VWF: variants seen among roughly 807,000 people sequenced by gnomAD.
The protein encoded by VWF is von Willebrand factor.
In VWF, 176 loss-of-function variants were observed where a neutral mutation model predicts 308.6. That is an observed-to-expected ratio of 0.57 (90% CI 0.50 to 0.65). The LOEUF (loss-of-function observed/expected upper bound fraction) is 0.65. Among genes scored for constraint, VWF ranks in the 30% least tolerant of loss-of-function variants. The pLI is 0.00. For missense variants in VWF, 3,146 were observed against 3,648.2 expected, an observed-to-expected ratio of 0.86 and a Z score of 3.55; for synonymous variants, 1,385 against 1,443.4, an observed-to-expected ratio of 0.96 and a Z score of 0.92.
intron 42 of VWF, among the ~76,000 whole-genome samples, chr12:5,978,507 G>A (rs370344382): frequency 1.6e-4 from 25 of 152,140 alleles, no homozygotes; most frequent in Admixed American, 1.2e-3. Flanking sequence ...CAGGTAACCC[G>A]CCCACCTTGG....
intron 37 of VWF, among the ~76,000 whole-genome samples, chr12:5,993,367 C>T (rs17491320): frequency 6.6e-6 from 1 of 152,008 alleles, no homozygotes; most frequent in African/African-American, 2.4e-5. Context: ...GTGTTTATAA[C>T]TGAGAAGACT....
In VWF at chr12:5,952,427, G is replaced by A. The variant is rs41276732; in HGVS notation, c.8079C>T (p.Cys2693=). The change falls in exon 49 of 52, where the codon TGC becomes TGT. Residue 2693 remains cysteine (C), a synonymous_variant. Coordinates refer to ENST00000261405, the MANE Select transcript of VWF (RefSeq NM_000552.5). ...GACACTTGTGTTCATCAAAGGGTGG[G>A]CAGCCTGTGACCCTCTTCTCCCAGA... ...EYFWEKRVTG[C]PPFDEHKCLA... The A allele has an allele frequency of 2.1e-3, 3,417 of 1,614,098 alleles. 7 individuals are homozygous for A. Among genetic ancestry groups the A allele is most frequent in the Non-Finnish European group, 2.8e-3 (3,295 of 1,179,962 alleles).
intron 5 of VWF, 21 bp downstream of exon 5, chr12:6,110,353 T>G (rs1301370909): frequency 6.2e-7 from 1 of 1,612,152 alleles, no homozygotes. Flanking sequence ...TTTAGGGAAA[T>G]GGTATCCCAG....
At chr12:6,069,159 G>A (rs1201692754) in intron 10 of VWF, among the ~76,000 whole-genome samples, 1 of 152,088 alleles carries the variant, frequency 6.6e-6, no homozygotes, top group Non-Finnish European at 1.5e-5. Flanking sequence ...CCTGGCATAA[G>A]ATACATTTCC....
At position 5,969,289 on chromosome 12, in the gene VWF, G is replaced by A. The variant is rs776340794; in HGVS notation, c.7651C>T (p.Gln2551Ter). Residue 2551 changes from glutamine to a stop codon, truncating the protein, a stop_gained, in exon 45 of 52, where the codon CAG (glutamine) becomes TAG (stop). Transcript: ENST00000261405. LOFTEE classifies it high-confidence loss of function. ...FIQQRNVSCP[Q>*]LEVPVCPSGF... ...GAGGGGCAGACAGGGACCTCCAGCTGGGGGCAGGAGACGTTCCTTTGTTGT... is the reference window on the plus strand; with the variant it reads ...GAGGGGCAGACAGGGACCTCCAGCTAGGGGCAGGAGACGTTCCTTTGTTGT... 6.2e-7 allele frequency: 1 copy of A among 1,614,156 alleles called. No individual in the cohort carries two copies. The highest frequency in any genetic ancestry group is 8.5e-7 in the Non-Finnish European group (1 of 1,180,010).
At position 5,996,120 on chromosome 12, in the gene VWF, T is replaced by C. The variant is rs770537385; in HGVS notation, c.5945A>G (p.Gln1982Arg). Reference protein sequence around the residue: ...CSYVLFQNKEQDLEVILHNGA... With the variant: ...CSYVLFQNKERDLEVILHNGA... ...ATTATGGAGAATCACCTCCAGGTCC[T>C]GCTCCTTGTTTTGAAATAGGACATA... Residue 1982 changes from glutamine to arginine, a missense_variant, in exon 35 of 52, where the codon CAG becomes CGG. This residue lies in a region of VWF where 989 missense variants were observed against 1,117.4 expected (regional missense o/e 0.89). Transcript: ENST00000261405. The C allele has an allele frequency of 5.0e-6, 8 of 1,614,168 alleles. No homozygotes were observed. Among genetic ancestry groups the C allele is most frequent in the Non-Finnish European group, 6.8e-6 (8 of 1,180,044 alleles).
chr12:6,026,602 T>C (rs866073865), intron 22 of VWF, among the ~76,000 whole-genome samples: 2 of 152,112 alleles, frequency 1.3e-5, no homozygotes, highest in Non-Finnish European at 1.5e-5. Flanking sequence ...CATCATGGAG[T>C]GCAACATGCA....
At chr12:6,089,598 C>T (rs1018154314) in intron 6 of VWF, among the ~76,000 whole-genome samples, 3 of 152,166 alleles carry the variant, frequency 2.0e-5, no homozygotes, top group African/African-American at 7.2e-5. Context: ...CCCTCCTCAA[C>T]CCGACCTCAG....
chr12:6,068,561 C>T (rs1055498364), intron 10 of VWF, among the ~76,000 whole-genome samples: 7 of 152,088 alleles, frequency 4.6e-5, no homozygotes, highest in Non-Finnish European at 5.9e-5. Context: ...ACTCTATCTC[C>T]GGGGCTCTCA....
chr12:6,076,739 G>A lies in VWF; in HGVS notation c.658-1188C>T, dbSNP rs1270504413. ...GAGGAAAGAAACGACCCGTTTTGAG[G>A]AGAGGGAAATTCAATCAGCTTGAAT... On this transcript the variant is annotated intron_variant, in intron 6 of 51. Transcript: ENST00000261405. 4.6e-5 allele frequency among the ~76,000 whole-genome samples: 7 copies of A among 152,218 alleles called. No homozygotes were observed. In the East Asian group the frequency reaches 1.3e-3, roughly 29 times the overall value.
chr12:6,075,865 GC>G lies in VWF; in HGVS notation c.658-315del, dbSNP rs879898959. On this transcript the variant is annotated intron_variant, in intron 6 of 51. Coordinates refer to ENST00000261405, the MANE Select transcript of VWF (RefSeq NM_000552.5). The surrounding 1 kb of genome is among the most constrained non-coding windows in gnomAD (Gnocchi z 4.7). ...CAGAGGATGGAGAGAAGCACAAAGA[GC>G]ATGCGCCCTGGAGTTGGCCTGGGTG... Among the ~76,000 whole-genome samples the G allele has an allele frequency of 6.6e-6, 1 of 152,204 alleles. No homozygotes were observed. The highest frequency in any genetic ancestry group is 1.5e-5 in the Non-Finnish European group (1 of 68,034).
intron 42 of VWF, among the ~76,000 whole-genome samples, chr12:5,980,686 G>A (rs371591075): frequency 2.6e-4 from 39 of 152,294 alleles, no homozygotes; most frequent in East Asian, 9.6e-4. Context: ...CCAAAACTGC[G>A]TGCTTAGAAT....
rs141379577 is a variant in VWF at position 6,103,470 on chromosome 12, A to ATGTG, written c.532+6900_532+6903dup. Among the ~76,000 whole-genome samples the ATGTG allele has an allele frequency of 1.1e-4, 13 of 122,860 alleles. 1 individual carries two copies. In the South Asian group the frequency reaches 2.2e-3, roughly 21 times the overall value. The allele number at this position is 122,860 out of a possible 152,430, so 80.6% of individuals were successfully genotyped here. A position where few individuals can be genotyped will look rare whatever the true frequency, so the allele number is the denominator to read the frequency against. On this transcript the variant is annotated intron_variant, in intron 5 of 51. Coordinates refer to ENST00000261405, the MANE Select transcript of VWF (RefSeq NM_000552.5). Reference sequence around the variant, plus strand: ...TACACATATATGTGTATATACACATATGTGTGTATATACATATATGTGTAT... The same window carrying ATGTG: ...TACACATATATGTGTATATACACATATGTGTGTGTGTATATACATATATGTGTAT...
Position 6,056,994 on chromosome 12 carries a change from G to A in VWF, c.1808C>T (p.Pro603Leu), listed in dbSNP as rs1341283023. Residue 603 changes from proline to leucine, a missense_variant, in exon 15 of 52, where the codon CCC becomes CTC. Physicochemically the swap from Pro to Leu is moderately conservative, Grantham distance 98. Coordinates refer to ENST00000261405, the MANE Select transcript of VWF (RefSeq NM_000552.5). ...EACHRAVSPL[P>L]YLRNCRYDVC... ...GTCGTAGCGGCAGTTCCGCAGGTAG[G>A]GCAGCGGGCTGACGGCACGATGGCA... 1.9e-6 allele frequency: 3 copies of A among 1,546,628 alleles called. No homozygotes were observed. The highest frequency in any genetic ancestry group is 2.6e-6 in the Non-Finnish European group (3 of 1,150,962).
In VWF at chr12:6,060,678, C is replaced by T. The variant is rs1260201826; in HGVS notation, c.1533+2276G>A. On this transcript the variant is annotated intron_variant, in intron 13 of 51. Transcript: ENST00000261405. The surrounding 1 kb of genome is among the most constrained non-coding windows in gnomAD (Gnocchi z 5.1). Reference sequence around the variant, plus strand: ...CTGTCCTGAACCTTGGCCAAGGAAACGTCTTCTTGTTAGCTAAACTGACAC... The same window carrying T: ...CTGTCCTGAACCTTGGCCAAGGAAATGTCTTCTTGTTAGCTAAACTGACAC... Among the ~76,000 whole-genome samples the T allele has an allele frequency of 6.6e-6, 1 of 152,202 alleles. No individual in the cohort carries two copies. Among genetic ancestry groups the T allele is most frequent in the Non-Finnish European group, 1.5e-5 (1 of 68,038 alleles).
chr12:5,976,849 G>A (rs1481395735), intron 42 of VWF, among the ~76,000 whole-genome samples: 1 of 152,212 alleles, frequency 6.6e-6, no homozygotes, highest in African/African-American at 2.4e-5. Context: ...AAGGCTGGTT[G>A]AAAGGGAAAC....
intron 47 of VWF, among the ~76,000 whole-genome samples, chr12:5,957,908 C>T (rs972581077): frequency 6.6e-6 from 1 of 152,056 alleles, no homozygotes; most frequent in Non-Finnish European, 1.5e-5. Flanking sequence ...AAAATAATAG[C>T]AATACCTTGT....
chr12:6,089,223 G>A (rs991321822), intron 6 of VWF, among the ~76,000 whole-genome samples: 2 of 152,194 alleles, frequency 1.3e-5, no homozygotes, highest in Admixed American at 6.5e-5. Flanking sequence ...CTTGGGAGAC[G>A]AGTCATTGTG....
At chr12:6,047,748 G>C (rs920465384) in intron 16 of VWF, among the ~76,000 whole-genome samples, 7 of 152,218 alleles carry the variant, frequency 4.6e-5, no homozygotes, top group African/African-American at 1.7e-4. Context: ...CACCGTGTTT[G>C]TAAGATTCAT....
Sources: gnomAD v4.1 joint callset for allele counts (sites outside exome capture counted in the v4.1 genomes callset) on GRCh38, gnomAD v4.1.1 for gene constraint, gnomAD v4.1.1 regional missense constraint, Gnocchi (gnomAD v3.1) non-coding constraint, MANE v1.5 for transcripts, NCBI Gene and HGNC (gene_info 2026-07-23, HGNC 2026-07-21) for gene names.